Variants in PDE4B observed in about 807,000 individuals in gnomAD.
The protein encoded by PDE4B is 3',5'-cyclic-AMP phosphodiesterase 4B.
A neutral mutation model predicts 82.2 loss-of-function variants in PDE4B; 20 were observed. That is an observed-to-expected ratio of 0.24 (90% CI 0.17 to 0.35). PDE4B has a LOEUF of 0.35. PDE4B is among the 10% of genes least tolerant of loss of function. The probability of loss-of-function intolerance (pLI) is 1.00; values close to 1 mark genes in which losing one functional copy is unlikely to be tolerated. For missense variants in PDE4B, 655 were observed against 907.2 expected (o/e 0.72, Z 3.57); for synonymous variants, 320 against 318.9 (o/e 1.00, Z -0.04).
intron 3 of PDE4B, among the ~76,000 whole-genome samples, chr1:66,181,991 TTTG>T (rs944848507): frequency 6.6e-6 from 1 of 152,090 alleles, no homozygotes; most frequent in African/African-American, 2.4e-5. Context: ...TGCTATTTTT[TTTG>T]ATTTCAATAT....
At chr1:66,022,768 CT>C (rs534750300) in intron 3 of PDE4B, among the ~76,000 whole-genome samples, 1 of 151,832 alleles carries the variant, frequency 6.6e-6, no homozygotes, top group Non-Finnish European at 1.5e-5. Flanking sequence ...CTAAAATTCT[CT>C]TTTTTTTGTT....
chr1:66,303,258 C>T (rs1340768245), intron 7 of PDE4B, among the ~76,000 whole-genome samples: 1 of 151,934 alleles, frequency 6.6e-6, no homozygotes, highest in Non-Finnish European at 1.5e-5. Context: ...AATCTCTTCC[C>T]CTACCCTCCT....
At chr1:66,358,083 A>G (rs745369418) in intron 9 of PDE4B, among the ~76,000 whole-genome samples, 6 of 152,230 alleles carry the variant, frequency 3.9e-5, no homozygotes. Flanking sequence ...TCTGATCTGC[A>G]TGGGACCATA....
intron 1 of PDE4B, among the ~76,000 whole-genome samples, chr1:65,806,541 C>A (rs1165321470): frequency 6.6e-6 from 1 of 152,162 alleles, no homozygotes; most frequent in East Asian, 1.9e-4. Context: ...GTTTTAAATT[C>A]ACATTTGAAT....
rs148379429 is a variant in PDE4B at position 66,031,485 on chromosome 1, A to G, written c.281+112650A>G. Among the ~76,000 whole-genome samples the G allele has an allele frequency of 7.4e-4, 112 of 152,220 alleles. No homozygotes were observed. The East Asian group carries it at 0.019, about 25-fold the overall frequency. On this transcript the variant is annotated intron_variant, in intron 3 of 16. Transcript: ENST00000341517. ...AAAATGAAATATTTCAGTGACCCAT[A>G]TATTTATTTTTCTGTGTTTTTCTGC...
intron 3 of PDE4B, among the ~76,000 whole-genome samples, chr1:66,208,953 T>G (rs1649795774): frequency 6.6e-6 from 1 of 152,170 alleles, no homozygotes; most frequent in Non-Finnish European, 1.5e-5. Context: ...AATGACTAAA[T>G]GGCAGCAGAC....
intron 1 of PDE4B, among the ~76,000 whole-genome samples, chr1:65,885,853 CGT>C (rs1557797997): frequency 2.9e-5 from 4 of 137,224 alleles, no homozygotes; most frequent in East Asian, 2.1e-4. Flanking sequence ...TAAAACTTAA[CGT>C]ATAATAATAA....
intron 1 of PDE4B, among the ~76,000 whole-genome samples, chr1:65,825,091 C>A (rs1424792177): frequency 6.6e-6 from 1 of 152,174 alleles, no homozygotes; most frequent in Non-Finnish European, 1.5e-5. Flanking sequence ...TTTTCCCCTT[C>A]CATTAGAATT....
intron 3 of PDE4B, among the ~76,000 whole-genome samples, chr1:66,238,861 G>A (rs954223849): frequency 6.6e-6 from 1 of 152,178 alleles, no homozygotes; most frequent in African/African-American, 2.4e-5. Flanking sequence ...TTATGTCAGT[G>A]GTTACTATGG....
At chr1:66,228,967 A>G (rs892643671) in intron 3 of PDE4B, among the ~76,000 whole-genome samples, 3 of 142,064 alleles carry the variant, frequency 2.1e-5, no homozygotes, top group African/African-American at 7.3e-5. Flanking sequence ...TAAAATGGCA[A>G]TTTCATAAGG....
chr1:66,072,500 G>C, intron 3 of PDE4B, among the ~76,000 whole-genome samples: 1 of 152,024 alleles, frequency 6.6e-6, no homozygotes, highest in East Asian at 1.9e-4. Context: ...CATTTCTGGG[G>C]GAAAGGAGTG....
chr1:66,270,136 T>C (rs1416335119), intron 7 of PDE4B, among the ~76,000 whole-genome samples: 2 of 152,198 alleles, frequency 1.3e-5, no homozygotes, highest in Non-Finnish European at 2.9e-5. Context: ...ATACTAATGA[T>C]ATCAAAGCCT....
chr1:65,952,236 G>T (rs1649034826), intron 3 of PDE4B, among the ~76,000 whole-genome samples: 1 of 151,996 alleles, frequency 6.6e-6, no homozygotes. Flanking sequence ...GATCACTTTT[G>T]ATACCACCCC....
At chr1:65,932,383 G>A (rs113401798) in intron 3 of PDE4B, among the ~76,000 whole-genome samples, 147 of 152,212 alleles carry the variant, frequency 9.7e-4, no homozygotes, top group Non-Finnish European at 1.6e-3. Context: ...ATTGTACCTA[G>A]CATACTCTAG....
chr1:65,940,691 G>C (rs1648397773), intron 3 of PDE4B, among the ~76,000 whole-genome samples: 1 of 152,070 alleles, frequency 6.6e-6, no homozygotes, highest in African/African-American at 2.4e-5. Context: ...TGATTTGCTA[G>C]GTTGATAGTG....
intron 1 of PDE4B, among the ~76,000 whole-genome samples, chr1:65,866,416 G>T (rs1305574950): frequency 6.6e-6 from 1 of 151,956 alleles, no homozygotes; most frequent in Non-Finnish European, 1.5e-5. Context: ...AAAGATTAAA[G>T]CAATTTCCCC....
intron 4 of PDE4B, among the ~76,000 whole-genome samples, chr1:66,256,866 CTG>C (rs1654271279): frequency 6.6e-6 from 1 of 152,182 alleles, no homozygotes; most frequent in East Asian, 1.9e-4. Flanking sequence ...GATTTTGTGA[CTG>C]TAGCTCAAAC....
At chr1:65,849,001 AAT>A (rs1473880712) in intron 1 of PDE4B, among the ~76,000 whole-genome samples, 1 of 152,106 alleles carries the variant, frequency 6.6e-6, no homozygotes, top group Non-Finnish European at 1.5e-5. Context: ...TTATTAATAG[AAT>A]ACTATCATTA....
chr1:66,277,113 G>A (rs757128819), intron 7 of PDE4B, among the ~76,000 whole-genome samples: 28 of 152,242 alleles, frequency 1.8e-4, no homozygotes, highest in Admixed American at 5.2e-4. Context: ...TTAAACTGGA[G>A]TCCTGAACAC....
Sources: gnomAD v4.1 joint callset for allele counts (sites outside exome capture counted in the v4.1 genomes callset) on GRCh38, gnomAD v4.1.1 for gene constraint, MANE v1.5 for transcripts, NCBI Gene and HGNC (gene_info 2026-07-23, HGNC 2026-07-21) for gene names.